The following EPHB1 variants were observed in gnomAD, a reference collection of about 807,000 sequenced individuals.
EPHB1 encodes the protein ephrin type-B receptor 1.
Under a neutral mutation model 94.4 loss-of-function variants are expected in EPHB1, and 30 were observed. The ratio of observed to expected loss-of-function variants is 0.32; its 90% CI spans 0.24 to 0.43. The LOEUF (loss-of-function observed/expected upper bound fraction) is 0.43. Ranked by LOEUF, EPHB1 falls within the 20% of genes least tolerant of loss-of-function variation. EPHB1 has a pLI of 1.00. For synonymous variants in EPHB1, 522 were observed against 489.1 expected (o/e 1.07, Z -0.89); for missense variants, 1,055 against 1,308.3 (o/e 0.81, Z 2.99).
At chr3:135,001,195 C>T (rs762161925) in intron 3 of EPHB1, among the ~76,000 whole-genome samples, 9 of 152,212 alleles carry the variant, frequency 5.9e-5, no homozygotes, top group East Asian at 5.8e-4. Context: ...AACAGCCAGG[C>T]GGGGGAGCCT....
intron 3 of EPHB1, among the ~76,000 whole-genome samples, chr3:134,998,637 T>G (rs1287761528): frequency 6.6e-6 from 1 of 152,216 alleles, no homozygotes. Flanking sequence ...AAAAAATGTG[T>G]GAATGCTTTG....
At chr3:135,188,671 C>T (rs1942390652) in intron 10 of EPHB1, among the ~76,000 whole-genome samples, 4 of 152,092 alleles carry the variant, frequency 2.6e-5, no homozygotes, top group African/African-American at 4.8e-5. Context: ...ATGAAGGGCC[C>T]GCCAACATCC....
At chr3:135,192,879 G>T (rs1424627292) in intron 11 of EPHB1, 56 bp downstream of exon 11, 3 of 1,587,092 alleles carry the variant, frequency 1.9e-6, no homozygotes, top group Non-Finnish European at 2.6e-6. Flanking sequence ...ATGATGGCTG[G>T]GGAGAGGGGT....
intron 1 of EPHB1, among the ~76,000 whole-genome samples, chr3:134,815,447 C>T (rs916405771): frequency 4.0e-5 from 6 of 151,450 alleles, no homozygotes; most frequent in African/African-American, 1.5e-4. Flanking sequence ...TCCTATTGTA[C>T]CATAAAATAT....
chr3:134,843,316 T>G (rs975106755), intron 1 of EPHB1, among the ~76,000 whole-genome samples: 1 of 152,206 alleles, frequency 6.6e-6, no homozygotes, highest in Non-Finnish European at 1.5e-5. Flanking sequence ...TTGAAAATGT[T>G]GTCTTTGTCT....
chr3:134,903,896 T>A (rs1160832878), intron 1 of EPHB1, among the ~76,000 whole-genome samples: 3 of 152,242 alleles, frequency 2.0e-5, no homozygotes, highest in African/African-American at 7.2e-5. Flanking sequence ...CGCAGCCAGA[T>A]GTGCCCACGA....
intron 2 of EPHB1, among the ~76,000 whole-genome samples, chr3:134,946,322 A>G (rs575045433): frequency 1.8e-4 from 27 of 152,284 alleles, no homozygotes; most frequent in South Asian, 8.3e-4. Context: ...ATGAAGTTCA[A>G]AATTCTCAAC....
At chr3:135,029,214 T>A (rs1193822682) in intron 3 of EPHB1, among the ~76,000 whole-genome samples, 1 of 120,480 alleles carries the variant, frequency 8.3e-6, no homozygotes, top group Non-Finnish European at 1.8e-5. Context: ...GAGCATTTAG[T>A]CCATTTACAT....
intron 1 of EPHB1, among the ~76,000 whole-genome samples, chr3:134,922,340 A>G (rs931084929): frequency 3.9e-5 from 6 of 152,248 alleles, no homozygotes; most frequent in Admixed American, 2.6e-4. Flanking sequence ...TCTCTGTGCC[A>G]GAAAAGAAAC....
chr3:134,851,047 C>T (rs1031831307), intron 1 of EPHB1, among the ~76,000 whole-genome samples: 3 of 152,234 alleles, frequency 2.0e-5, no homozygotes, highest in African/African-American at 7.2e-5. Flanking sequence ...TTCTTTCCTC[C>T]TGGACTGAAG....
chr3:134,948,399 C>T (rs571497056), intron 2 of EPHB1, among the ~76,000 whole-genome samples: 16 of 151,800 alleles, frequency 1.1e-4, no homozygotes, highest in African/African-American at 3.9e-4. Flanking sequence ...TTTATAACAG[C>T]CATGGAAAGG....
At chr3:134,987,556 G>A (rs1426884849) in intron 3 of EPHB1, among the ~76,000 whole-genome samples, 8 of 152,018 alleles carry the variant, frequency 5.3e-5, no homozygotes, top group Non-Finnish European at 8.8e-5. Context: ...TCAGGAGATC[G>A]AGACCATCCT....
At chr3:134,904,632 C>T (rs2038279646) in intron 1 of EPHB1, among the ~76,000 whole-genome samples, 1 of 152,122 alleles carries the variant, frequency 6.6e-6, no homozygotes, top group South Asian at 2.1e-4. Flanking sequence ...ACCTCCTCAC[C>T]AAGGGGCTAT....
At chr3:134,900,721 A>G (rs1560288016) in intron 1 of EPHB1, among the ~76,000 whole-genome samples, 2 of 151,716 alleles carry the variant, frequency 1.3e-5, no homozygotes, top group Non-Finnish European at 2.9e-5. Context: ...ACCTGGGTGC[A>G]TGTGTGTGTG....
chr3:135,089,466 C>T (rs777063032), intron 3 of EPHB1, among the ~76,000 whole-genome samples: 9 of 152,220 alleles, frequency 5.9e-5, no homozygotes, highest in Non-Finnish European at 1.2e-4. Flanking sequence ...ACCAACACAA[C>T]TTTACAACCA....
intron 1 of EPHB1, among the ~76,000 whole-genome samples, chr3:134,845,253 G>T (rs927900099): frequency 6.6e-6 from 1 of 152,206 alleles, no homozygotes; most frequent in African/African-American, 2.4e-5. Flanking sequence ...AACAATACTT[G>T]TCATGGAGTA....
At chr3:135,074,199 G>A (rs1937826685) in intron 3 of EPHB1, among the ~76,000 whole-genome samples, 2 of 152,158 alleles carry the variant, frequency 1.3e-5, no homozygotes, top group African/African-American at 4.8e-5. Context: ...TTGATTCTCT[G>A]TCTTGATCAG....
chr3:134,929,714 C>T lies in EPHB1; in HGVS notation c.123+3834C>T, dbSNP rs1429231738. Reference sequence around the variant, plus strand: ...TGGCATGGCTGGGACTGGAGGAAGACCTGGCACCTTGACTTCAGATTTAAG... The same window carrying T: ...TGGCATGGCTGGGACTGGAGGAAGATCTGGCACCTTGACTTCAGATTTAAG... On this transcript the variant is annotated intron_variant, in intron 2 of 15. Coordinates refer to ENST00000398015, the MANE Select transcript of EPHB1 (RefSeq NM_004441.5). 2.0e-5 allele frequency among the ~76,000 whole-genome samples: 3 copies of T among 152,128 alleles called. No homozygotes were observed. In the East Asian group the frequency reaches 5.8e-4, roughly 29 times the overall value.
At position 134,951,294 on chromosome 3, in the gene EPHB1, C is replaced by G. The variant is rs1933017683; in HGVS notation, c.124-77C>G. ...GGCCCCTTAGCCCCAGGATTCTCCTCTGCTATGCCTATTTTTGTATTCTCA... is the reference window on the plus strand; with the variant it reads ...GGCCCCTTAGCCCCAGGATTCTCCTGTGCTATGCCTATTTTTGTATTCTCA... On this transcript the variant is annotated intron_variant, in intron 2 of 15. Transcript: ENST00000398015. This position sits in a 1 kb window ranked among gnomAD's most constrained non-coding sequence, Gnocchi z 4.5. The G allele has an allele frequency of 6.6e-6, 9 of 1,365,766 alleles. No homozygotes were observed. Among genetic ancestry groups the G allele is most frequent in the Non-Finnish European group, 8.8e-6 (9 of 1,021,734 alleles). 84.6% of individuals were successfully genotyped at this position (1,365,766 alleles called of 1,614,324 possible). A position where few individuals can be genotyped will look rare whatever the true frequency, so the allele number is the denominator to read the frequency against.
Sources: allele counts gnomAD v4.1 joint callset (sites outside exome capture counted in the v4.1 genomes callset), GRCh38; gene constraint gnomAD v4.1.1; non-coding constraint Gnocchi (gnomAD v3.1); transcripts MANE v1.5; gene names NCBI Gene and HGNC (gene_info 2026-07-23, HGNC 2026-07-21).